Variants in SCRG1 observed in about 807,000 individuals in gnomAD.
The protein encoded by SCRG1 is stimulator of chondrogenesis 1.
In SCRG1, 3 loss-of-function variants were observed where a neutral mutation model predicts 7.7. The observed-to-expected ratio is 0.39, with a 90% confidence interval of 0.18 to 1.01. The LOEUF is 1.01. Ranked by LOEUF, SCRG1 falls within the 50% of genes least tolerant of loss-of-function variation. The pLI is 0.36. For missense variants in SCRG1, 110 were observed against 117.2 expected (o/e 0.94, Z 0.28); for synonymous variants, 46 against 41.2 (o/e 1.12, Z -0.44).
chr4:173,455,559 C>T, the SCRG1 span, among the ~76,000 whole-genome samples: 6 of 152,122 alleles, frequency 3.9e-5, no homozygotes, highest in Admixed American at 3.9e-4. Context: ...CTTACTCAGA[C>T]CCATCATTAG....
At chr4:173,509,563 C>T in the SCRG1 span, among the ~76,000 whole-genome samples, 3 of 152,198 alleles carry the variant, frequency 2.0e-5, no homozygotes, top group African/African-American at 7.2e-5. The surrounding 1 kb of genome is among the most constrained non-coding windows in gnomAD (Gnocchi z 5.7). Flanking sequence ...GGCCTGGCGG[C>T]TGCCGGGCAA....
chr4:173,481,152 G>A, the SCRG1 span, among the ~76,000 whole-genome samples: 3 of 152,028 alleles, frequency 2.0e-5, no homozygotes, highest in African/African-American at 7.2e-5. Context: ...CAACAAAATG[G>A]CAATAATTTA....
At chr4:173,401,252 A>G (rs1739754603), upstream of SCRG1, among the ~76,000 whole-genome samples, 1 of 152,224 alleles carries the variant, frequency 6.6e-6, no homozygotes, top group Non-Finnish European at 1.5e-5. Context: ...TCCTTTGCAT[A>G]TTTATAAACA....
At chr4:173,472,071 C>A in the SCRG1 span, among the ~76,000 whole-genome samples, 3 of 152,172 alleles carry the variant, frequency 2.0e-5, no homozygotes, top group Non-Finnish European at 2.9e-5. Context: ...CCTTCTTTTT[C>A]TTACCATTTC....
chr4:173,514,197 A>G, the SCRG1 span, among the ~76,000 whole-genome samples: 32 of 152,310 alleles, frequency 2.1e-4, no homozygotes, highest in African/African-American at 7.5e-4. Context: ...CTCCTCCCTT[A>G]TCTTTCCAAA....
the SCRG1 span, among the ~76,000 whole-genome samples, chr4:173,453,772 C>A: frequency 6.6e-6 from 1 of 152,158 alleles, no homozygotes; most frequent in Non-Finnish European, 1.5e-5. Context: ...GACAAACATT[C>A]ACCTTCTGAG....
the SCRG1 span, among the ~76,000 whole-genome samples, chr4:173,413,003 G>C: frequency 6.6e-6 from 1 of 151,912 alleles, no homozygotes; most frequent in African/African-American, 2.4e-5. Context: ...TAATTCTTAA[G>C]AAATTCATAT....
the SCRG1 span, among the ~76,000 whole-genome samples, chr4:173,437,052 TCTC>T: frequency 6.6e-6 from 1 of 152,218 alleles, no homozygotes; most frequent in African/African-American, 2.4e-5. Flanking sequence ...CTGCAATTCT[TCTC>T]TGCGGAATCC....
chr4:173,455,541 C>T, the SCRG1 span, among the ~76,000 whole-genome samples: 1 of 152,096 alleles, frequency 6.6e-6, no homozygotes. Context: ...AGCAATTTCC[C>T]CCATGGCCTT....
the SCRG1 span, among the ~76,000 whole-genome samples, chr4:173,507,907 C>A: frequency 6.6e-6 from 1 of 152,362 alleles, no homozygotes; most frequent in South Asian, 2.1e-4. The surrounding 1 kb of genome is among the most constrained non-coding windows in gnomAD (Gnocchi z 4.4). Flanking sequence ...AGCGAGGCCC[C>A]TCCGCTGGTG....
At chr4:173,515,951 T>C in the SCRG1 span, among the ~76,000 whole-genome samples, 4 of 152,166 alleles carry the variant, frequency 2.6e-5, no homozygotes, top group Non-Finnish European at 4.4e-5. The surrounding 1 kb of genome is among the most constrained non-coding windows in gnomAD (Gnocchi z 4.6). Context: ...GTTTGGCGAC[T>C]TTCATTTCTC....
chr4:173,437,826 G>A, the SCRG1 span, among the ~76,000 whole-genome samples: 76 of 152,198 alleles, frequency 5.0e-4, no homozygotes, highest in African/African-American at 1.8e-3. Context: ...ATAGAAACAC[G>A]GATTTAAAAA....
At chr4:173,391,477 T>A in intron 1 of SCRG1, 49 bp from the exon 2 acceptor site, 2 of 1,587,328 alleles carry the variant, frequency 1.3e-6, no homozygotes, top group Non-Finnish European at 1.7e-6. Context: ...TTTTTAAAGA[T>A]AGAATTCATC....
chr4:173,488,990 G>A, the SCRG1 span, among the ~76,000 whole-genome samples: 1 of 152,314 alleles, frequency 6.6e-6, no homozygotes, highest in East Asian at 1.9e-4. Context: ...GAAGACAGCT[G>A]ATACAACGTT....
At chr4:173,421,236 C>T in the SCRG1 span, among the ~76,000 whole-genome samples, 126 of 152,198 alleles carry the variant, frequency 8.3e-4, 2 homozygotes, top group East Asian at 8.9e-3. Context: ...TTATTGATTG[C>T]CCCCCACACA....
chr4:173,471,867 G>A, the SCRG1 span, among the ~76,000 whole-genome samples: 2 of 152,106 alleles, frequency 1.3e-5, no homozygotes, highest in Non-Finnish European at 2.9e-5. Context: ...GCCCCACCAC[G>A]CCCAGCTAAT....
chr4:173,388,574 G>C (rs1301031659), intron 2 of SCRG1, among the ~76,000 whole-genome samples, 179 bp from the exon 3 acceptor site: 2 of 152,116 alleles, frequency 1.3e-5, no homozygotes, highest in African/African-American at 2.4e-5. Context: ...AGACCGAGAA[G>C]GTAATCGATT....
At chr4:173,438,091 A>G in the SCRG1 span, among the ~76,000 whole-genome samples, 1 of 151,990 alleles carries the variant, frequency 6.6e-6, no homozygotes, top group Admixed American at 6.6e-5. Flanking sequence ...AAGGTTGACA[A>G]CTAAGTTTTT....
the SCRG1 span, among the ~76,000 whole-genome samples, chr4:173,504,217 T>C: frequency 6.6e-6 from 1 of 152,198 alleles, no homozygotes; most frequent in African/African-American, 2.4e-5. This position sits in a 1 kb window ranked among gnomAD's most constrained non-coding sequence, Gnocchi z 4.7. Flanking sequence ...GAAATCACTC[T>C]GGTCATTAAT....
Sources: gnomAD v4.1 joint callset for allele counts (sites outside exome capture counted in the v4.1 genomes callset) on GRCh38, gnomAD v4.1.1 for gene constraint, Gnocchi (gnomAD v3.1) non-coding constraint, MANE v1.5 for transcripts, NCBI Gene and HGNC (gene_info 2026-07-23, HGNC 2026-07-21) for gene names.